MTSS2: variants seen among roughly 807,000 people sequenced by gnomAD.
MTSS2 encodes protein MTSS 2.
Under a neutral mutation model 67.1 loss-of-function variants are expected in MTSS2, and 27 were observed. The ratio of observed to expected loss-of-function variants is 0.40; its 90% confidence interval spans 0.30 to 0.55. The LOEUF (loss-of-function observed/expected upper bound fraction) is 0.55. MTSS2 is among the 20% of genes least tolerant of loss of function. The pLI is 0.43. For synonymous variants in MTSS2, 624 were observed against 468.6 expected (o/e 1.33, Z -4.28); for missense variants, 1,171 against 1,067.8 (o/e 1.10, Z -1.35).
At chr16:70,680,918 G>GGGGGGGGGGGGGGGGGCCCCCC in intron 2 of MTSS2, 46 bp downstream of exon 2, 2 of 1,097,914 alleles carry the variant, frequency 1.8e-6, no homozygotes, top group Non-Finnish European at 2.7e-6. Context: ...CGGGGGGGGG[G>GGGGGGGGGGGGGGGGGCCCCCC]CCTCTGCCTG....
In MTSS2 at chr16:70,661,317, G is replaced by GGAGAA. The variant is rs1280598636; in HGVS notation, c.*2355_*2359dup. 2 of 445,758 alleles carry GGAGAA rather than the reference G, an allele frequency of 4.5e-6. No homozygotes were observed. The highest frequency in any genetic ancestry group is 4.2e-5 in the African/African-American group (2 of 47,356). The allele number at this position is 445,758 out of a possible 1,614,324, so 27.6% of individuals were successfully genotyped here. A position where few individuals can be genotyped will look rare whatever the true frequency, so the allele number is the denominator to read the frequency against. ...TGGTGTGGAGGGGGCGGGGAGGAGA[G>GGAGAA]GAGAATTTTTCCAAAATCTGACGGA... On this transcript the variant is annotated 3_prime_UTR_variant, in exon 15 of 15. Transcript: ENST00000338779.
chr16:70,679,948 GC>G, intron 4 of MTSS2, 22 bp downstream of exon 4: 1 of 1,224,802 alleles, frequency 8.2e-7, no homozygotes, highest in Non-Finnish European at 1.1e-6. Flanking sequence ...CCGCCCCCCT[GC>G]CCGCCCGCAG....
In MTSS2 at chr16:70,679,801, T is replaced by C. The variant is rs781549004; in HGVS notation, c.367A>G (p.Lys123Glu). 7 of 1,610,942 alleles carry C rather than the reference T, an allele frequency of 4.3e-6. No homozygotes were observed. The highest frequency in any genetic ancestry group is 5.9e-6 in the Non-Finnish European group (7 of 1,179,660). Residue 123 changes from lysine (K) to glutamate (E), a missense_variant, in exon 5 of 15, where the codon AAG becomes GAG. Physicochemically the swap from Lys to Glu is moderately conservative, Grantham distance 56. Transcript: ENST00000338779. ...CCACCCTCACCTTTCGCGTGGTCCTTGTCCAGCTGGTTGGCCGCCTTCTTC... is the reference window on the plus strand; with the variant it reads ...CCACCCTCACCTTTCGCGTGGTCCTCGTCCAGCTGGTTGGCCGCCTTCTTC... ...DWKKAANQLD[K>E]DHAKEYKRAR...
intron 10 of MTSS2, 27 bp from the exon 11 acceptor site, chr16:70,674,555 G>C: frequency 6.2e-7 from 1 of 1,600,482 alleles, no homozygotes; most frequent in South Asian, 1.1e-5. Flanking sequence ...AGAGGGCACA[G>C]CAGCCAGACA....
chr16:70,680,300 C>G (rs1327101564), intron 3 of MTSS2, among the ~76,000 whole-genome samples: 1 of 152,066 alleles, frequency 6.6e-6, no homozygotes, highest in Non-Finnish European at 1.5e-5. Context: ...CTGGGAGAGG[C>G]CGGCGCCAAA....
intron 5 of MTSS2, 36 bp downstream of exon 5, chr16:70,679,750 T>TG (rs776944270): frequency 1.6e-5 from 25 of 1,609,526 alleles, no homozygotes; most frequent in Non-Finnish European, 1.8e-5. Flanking sequence ...CCCTGCGGAG[T>TG]GGGGGGTGGG....
In MTSS2 at chr16:70,679,304, AT is replaced by A; in HGVS notation, c.466+10del. ...GGGAGGAGCAGCTGGAGGGACCGACATTTGACTTACCAAGTAGCTCTACAGG... is the reference window on the plus strand; with the variant it reads ...GGGAGGAGCAGCTGGAGGGACCGACATTGACTTACCAAGTAGCTCTACAGG... On this transcript the variant is annotated intron_variant, in intron 7 of 14. Transcript: ENST00000338779. 6.2e-7 allele frequency: 1 copy of A among 1,613,974 alleles called. No individual in the cohort carries two copies. The highest frequency in any genetic ancestry group is 8.5e-7 in the Non-Finnish European group (1 of 1,179,888).
chr16:70,680,168 G>A (rs902389227), intron 3 of MTSS2, 113 bp from the exon 4 acceptor site: 1 of 563,814 alleles, frequency 1.8e-6, no homozygotes, highest in Non-Finnish European at 2.4e-6. Flanking sequence ...CCCGCGCCCT[G>A]CCCCCGCCGA....
At chr16:70,679,450 G>T in intron 6 of MTSS2, 127 bp from the exon 7 acceptor site, 1 of 1,311,412 alleles carries the variant, frequency 7.6e-7, no homozygotes, top group Non-Finnish European at 1.1e-6. Flanking sequence ...CCATAGGGAG[G>T]TTCTGGACCA....
chr16:70,679,933 T>TG, intron 4 of MTSS2, 38 bp downstream of exon 4: 5 of 1,149,356 alleles, frequency 4.4e-6, no homozygotes, highest in Non-Finnish European at 5.0e-6. Flanking sequence ...CGACGCCCCG[T>TG]CCCCCCGCCC....
Position 70,676,690 on chromosome 16 carries a change from A to ATGCCTG in MTSS2, c.830+185_830+190dup, listed in dbSNP as rs1313523997. Among the ~76,000 whole-genome samples the ATGCCTG allele has an allele frequency of 2.0e-5, 3 of 152,184 alleles. 1 individual carries two copies. Among genetic ancestry groups the ATGCCTG allele is most frequent in the Admixed American group, 6.5e-5 (1 of 15,278 alleles). ...CCCCTGCTTCCTATTCTGCCAACAA[A>ATGCCTG]TGCCTGTGCCAGTAGCAGTCTTGGG... On this transcript the variant is annotated intron_variant, in intron 10 of 14. Transcript: ENST00000338779.
At chr16:70,667,408 A>G (rs2052757300) in intron 11 of MTSS2, among the ~76,000 whole-genome samples, 1 of 152,096 alleles carries the variant, frequency 6.6e-6, no homozygotes, top group Non-Finnish European at 1.5e-5. Flanking sequence ...TTAGAACAAA[A>G]TCCGAAAAAG....
In MTSS2 at chr16:70,663,497, A is replaced by C. The variant is rs2052568958; in HGVS notation, c.*180T>G. On this transcript the variant is annotated 3_prime_UTR_variant, in exon 15 of 15. Coordinates refer to ENST00000338779, the MANE Select transcript of MTSS2 (RefSeq NM_138383.3). Reference sequence around the variant, plus strand: ...AGGCTCCGTCCTGGCCAGGCTTGCTAAGAAGTCACTTCCTGTTTAAATGCT... The same window carrying C: ...AGGCTCCGTCCTGGCCAGGCTTGCTCAGAAGTCACTTCCTGTTTAAATGCT... 7 of 1,218,590 alleles carry C rather than the reference A, an allele frequency of 5.7e-6. No homozygotes were observed. The highest frequency in any genetic ancestry group is 7.7e-6 in the Non-Finnish European group (7 of 910,958). 75.5% of individuals were successfully genotyped at this position (1,218,590 alleles called of 1,614,324 possible). A position where few individuals can be genotyped will look rare whatever the true frequency, so the allele number is the denominator to read the frequency against.
Position 70,682,883 on chromosome 16 carries a change from T to C in MTSS2, c.70-1858A>G, listed in dbSNP as rs577852092. ...CAAGGAAACAGAAGCCCGTAGAGGT[T>C]AGCTCATTTGCCCACGGCCACAGGG... On this transcript the variant is annotated intron_variant, in intron 1 of 14. Coordinates refer to ENST00000338779, the MANE Select transcript of MTSS2 (RefSeq NM_138383.3). 4.1e-4 allele frequency among the ~76,000 whole-genome samples: 62 copies of C among 152,284 alleles called. 1 individual carries two copies. The highest frequency in any genetic ancestry group is 6.8e-3 in the Middle Eastern group (2 of 294).
chr16:70,672,365 A>G (rs866834302), intron 11 of MTSS2, among the ~76,000 whole-genome samples: 32 of 150,638 alleles, frequency 2.1e-4, no homozygotes, highest in African/African-American at 7.5e-4. Flanking sequence ...AAAAAAAAGG[A>G]AAAGAGAAAA....
At position 70,679,992 on chromosome 16, in the gene MTSS2, G is replaced by T. The variant is rs1336878139; in HGVS notation, c.269C>A (p.Thr90Asn). Reference sequence around the variant, plus strand: ...TCACTTGGTGAACTGCCGCAGCTTGGTCTCGATGCTGCGGTGGCGCATGCA... The same window carrying T: ...TCACTTGGTGAACTGCCGCAGCTTGTTCTCGATGCTGCGGTGGCGCATGCA... ...RMCMRHRSIE[T>N]KLRQFTNALL... Residue 90 changes from threonine (T) to asparagine (N), a missense_variant, in exon 4 of 15, where the codon ACC (threonine) becomes AAC (asparagine). Thr to Asn is a moderately conservative substitution (Grantham distance 65). Coordinates refer to ENST00000338779, the MANE Select transcript of MTSS2 (RefSeq NM_138383.3). The T allele has an allele frequency of 4.6e-6, 7 of 1,534,738 alleles. No homozygotes were observed. The highest frequency in any genetic ancestry group is 6.1e-6 in the Non-Finnish European group (7 of 1,149,154).
rs147846176 is a variant in MTSS2, at chr16:70,661,627, C to T, written c.*2050G>A. 59 of 335,308 alleles carry T rather than the reference C, an allele frequency of 1.8e-4. No homozygotes were observed. The Middle Eastern group carries it at 3.2e-3, about 18-fold the overall frequency. The allele number at this position is 335,308 out of a possible 1,614,324, so 20.8% of individuals were successfully genotyped here. A position where few individuals can be genotyped will look rare whatever the true frequency, so the allele number is the denominator to read the frequency against. On this transcript the variant is annotated 3_prime_UTR_variant, in exon 15 of 15. Coordinates refer to ENST00000338779, the MANE Select transcript of MTSS2 (RefSeq NM_138383.3). ...TGGGCCTATGAGGTGGTTGCTAAGTCGACGCAAGGGCGGCGGGGGTGGTCT... is the reference window on the plus strand; with the variant it reads ...TGGGCCTATGAGGTGGTTGCTAAGTTGACGCAAGGGCGGCGGGGGTGGTCT...
intron 11 of MTSS2, 144 bp from the exon 12 acceptor site, chr16:70,665,684 C>T: frequency 3.1e-6 from 2 of 637,922 alleles, no homozygotes; most frequent in Non-Finnish European, 5.3e-6. Context: ...ACCCCCCCTA[C>T]CCCAGGGCCA....
In MTSS2 at chr16:70,664,341, T is replaced by C; in HGVS notation, c.1580A>G (p.Tyr527Cys). The change falls in exon 15 of 15, where the codon TAC (tyrosine) becomes TGC (cysteine). Residue 527 changes from tyrosine to cysteine, a missense_variant. By Grantham distance (194) the Tyr-to-Cys change is radical. Around this residue, in one of 2 missense-constraint regions of MTSS2, gnomAD observed 924 missense variants for 756.0 expected, o/e 1.22. Coordinates refer to ENST00000338779, the MANE Select transcript of MTSS2 (RefSeq NM_138383.3). The stretch of plus-strand genomic sequence containing the variant: ...GCGCTTGGTCTGGATCAGGCGGCGG[T>C]AGTTCTGGGCGATGTTGCTGTTGCG... ...IPRNSNIAQN[Y>C]RRLIQTKRPA... 1 of 1,597,624 alleles carries C rather than the reference T, an allele frequency of 6.3e-7. No homozygotes were observed. Among genetic ancestry groups the C allele is most frequent in the Admixed American group, 1.8e-5 (1 of 56,616 alleles).
Sources: allele counts gnomAD v4.1 joint callset (sites outside exome capture counted in the v4.1 genomes callset), GRCh38; gene constraint gnomAD v4.1.1; regional missense constraint gnomAD v4.1.1; transcripts MANE v1.5; gene names NCBI Gene and HGNC (gene_info 2026-07-23, HGNC 2026-07-21).